Variants in DCC observed in about 807,000 individuals in gnomAD.
The protein encoded by DCC is netrin receptor DCC.
DCC carries 58 observed loss-of-function variants against 172.5 expected under a neutral mutation model. The observed-to-expected ratio is 0.34, with a 90% CI of 0.27 to 0.42. DCC has a LOEUF of 0.42. DCC is among the 10% of genes least tolerant of loss of function. The pLI is 1.00. For missense variants in DCC, 1,740 were observed against 1,791.0 expected, an observed-to-expected ratio of 0.97 and a Z score of 0.51; for synonymous variants, 709 against 644.5, an observed-to-expected ratio of 1.10 and a Z score of -1.52.
rs1255343182 is a variant in DCC, at chr18:53,532,719, C to T, written c.*2066C>T. On this transcript the variant is annotated 3_prime_UTR_variant, in exon 29 of 29. Coordinates refer to ENST00000442544, the MANE Select transcript of DCC (RefSeq NM_005215.4). ...GAACATTCTCCTTAGGCACTTGACACCCACGAGGGTAATCCTGAGTGCTCA... is the reference window on the plus strand; with the variant it reads ...GAACATTCTCCTTAGGCACTTGACATCCACGAGGGTAATCCTGAGTGCTCA... The T allele has an allele frequency of 1.3e-5, 2 of 151,936 alleles. No homozygotes were observed. The highest frequency in any genetic ancestry group is 2.4e-5 in the African/African-American group (1 of 41,334). 9.4% of individuals were successfully genotyped at this position (151,936 alleles called of 1,614,324 possible).
chr18:52,983,590 A>G (rs894048089), intron 5 of DCC, among the ~76,000 whole-genome samples: 9 of 152,198 alleles, frequency 5.9e-5, no homozygotes, highest in African/African-American at 1.4e-4. Context: ...TGCACCCGTC[A>G]CCTTCTTTTC....
chr18:53,117,258 G>A (rs1006207354), intron 7 of DCC, among the ~76,000 whole-genome samples: 1 of 151,720 alleles, frequency 6.6e-6, no homozygotes, highest in African/African-American at 2.4e-5. Flanking sequence ...CTGTAAGAAA[G>A]TTTACTTGCT....
At chr18:52,596,596 A>G (rs1356748451) in intron 1 of DCC, among the ~76,000 whole-genome samples, 1 of 152,202 alleles carries the variant, frequency 6.6e-6, no homozygotes, top group Non-Finnish European at 1.5e-5. Flanking sequence ...TCTGAAACCA[A>G]TGATCTAACT....
intron 7 of DCC, among the ~76,000 whole-genome samples, chr18:53,141,968 T>C (rs781357948): frequency 6.6e-6 from 1 of 152,210 alleles, no homozygotes; most frequent in Non-Finnish European, 1.5e-5. Flanking sequence ...ACATGTTGAA[T>C]TCCTTTCCCT....
intron 12 of DCC, among the ~76,000 whole-genome samples, chr18:53,227,538 G>C (rs549306795): frequency 1.3e-4 from 20 of 152,240 alleles, no homozygotes; most frequent in Admixed American, 5.2e-4. Flanking sequence ...TCATCTTCAC[G>C]TTTCCCTAGC....
At position 52,433,953 on chromosome 18, in the gene DCC, T is replaced by TAA. The variant is rs138122932; in HGVS notation, c.91+93081_91+93082dup. Reference sequence around the variant, plus strand: ...ATGTCAGTCATAAGACCATGGTGGTTAAAAAAATCACACATGTAGGTCCAA... The same window carrying TAA: ...ATGTCAGTCATAAGACCATGGTGGTTAAAAAAAAATCACACATGTAGGTCCAA... On this transcript the variant is annotated intron_variant, in intron 1 of 28. Transcript: ENST00000442544. Among the ~76,000 whole-genome samples, 266 of 152,238 alleles carry TAA rather than the reference T, an allele frequency of 1.7e-3. 6 individuals carry two copies. The East Asian group carries it at 0.042, about 24-fold the overall frequency.
intron 1 of DCC, among the ~76,000 whole-genome samples, chr18:52,533,103 G>A (rs1488925794): frequency 1.3e-5 from 2 of 152,046 alleles, no homozygotes; most frequent in African/African-American, 4.8e-5. Context: ...AGATTCAAAT[G>A]CCATTTTACA....
At chr18:52,859,181 A>G (rs2039097187) in intron 2 of DCC, among the ~76,000 whole-genome samples, 1 of 152,140 alleles carries the variant, frequency 6.6e-6, no homozygotes, top group African/African-American at 2.4e-5. Context: ...CATAGTGGTA[A>G]TGTGGCTGTC....
chr18:53,373,459 G>A (rs1327481729), intron 15 of DCC, among the ~76,000 whole-genome samples: 1 of 152,044 alleles, frequency 6.6e-6, no homozygotes, highest in Non-Finnish European at 1.5e-5. Flanking sequence ...TTGGCCAGAA[G>A]CTATATTTAT....
intron 1 of DCC, among the ~76,000 whole-genome samples, chr18:52,493,084 C>G (rs2030584778): frequency 6.6e-6 from 1 of 152,008 alleles, no homozygotes; most frequent in South Asian, 2.1e-4. Context: ...GAAGATAAAC[C>G]AAACCATAGG....
At chr18:53,300,958 A>ATTCTTTCTTTCTTTCTTTCTTTCT (rs1436953257) in intron 12 of DCC, among the ~76,000 whole-genome samples, 822 of 81,692 alleles carry the variant, frequency 0.01, 101 homozygotes, top group East Asian at 0.083. Flanking sequence ...TTGGTTCTGG[A>ATTCTTTCTTTCTTTCTTTCTTTCT]TTCATTCTTT....
intron 15 of DCC, among the ~76,000 whole-genome samples, chr18:53,351,334 A>ACTGTATATATATATACT (rs1491271027): frequency 2.9e-4 from 5 of 17,056 alleles, no homozygotes; most frequent in African/African-American, 8.9e-4. Context: ...ATATATATAC[A>ACTGTATATATATATACT]GTGTATATAT....
At chr18:52,588,712 A>C (rs1568243041) in intron 1 of DCC, among the ~76,000 whole-genome samples, 1 of 149,540 alleles carries the variant, frequency 6.7e-6, no homozygotes, top group Non-Finnish European at 1.5e-5. Flanking sequence ...GGGAGCAGAC[A>C]GAAGGAATAT....
At chr18:53,515,413 A>T (rs1376627779) in intron 27 of DCC, among the ~76,000 whole-genome samples, 2 of 150,340 alleles carry the variant, frequency 1.3e-5, no homozygotes, top group Non-Finnish European at 3.0e-5. Context: ...CTCTCTCACC[A>T]CTCGTATTCA....
chr18:53,276,982 A>G (rs1176535086), intron 12 of DCC, among the ~76,000 whole-genome samples: 1 of 152,110 alleles, frequency 6.6e-6, no homozygotes, highest in African/African-American at 2.4e-5. Context: ...AACAAAACCA[A>G]CAAAATCAGT....
At chr18:52,682,824 A>G (rs1220548510) in intron 1 of DCC, among the ~76,000 whole-genome samples, 1 of 152,110 alleles carries the variant, frequency 6.6e-6, no homozygotes, top group Non-Finnish European at 1.5e-5. Context: ...ATCAAAATCT[A>G]AGGGAAGTGG....
intron 12 of DCC, among the ~76,000 whole-genome samples, chr18:53,275,717 G>T (rs981059308): frequency 6.6e-6 from 1 of 152,042 alleles, no homozygotes; most frequent in African/African-American, 2.4e-5. Flanking sequence ...ATTTCCTGTT[G>T]GTTTTGCTAT....
chr18:53,116,317 C>A (rs746810651), intron 7 of DCC, among the ~76,000 whole-genome samples: 1 of 151,644 alleles, frequency 6.6e-6, no homozygotes, highest in Admixed American at 6.6e-5. Context: ...TTAAATACCC[C>A]CTAGAGGATT....
At chr18:53,142,092 C>A (rs1019876103) in intron 7 of DCC, among the ~76,000 whole-genome samples, 4 of 152,170 alleles carry the variant, frequency 2.6e-5, no homozygotes, top group Non-Finnish European at 5.9e-5. Context: ...ATTTTATTAG[C>A]TATTAGCTGT....
Sources: gnomAD v4.1 joint callset for allele counts (sites outside exome capture counted in the v4.1 genomes callset) on GRCh38, gnomAD v4.1.1 for gene constraint, MANE v1.5 for transcripts, NCBI Gene and HGNC (gene_info 2026-07-23, HGNC 2026-07-21) for gene names.